FRMPD4: variants seen among roughly 807,000 people sequenced by gnomAD.
The protein encoded by FRMPD4 is FERM and PDZ domain containing 4.
A neutral mutation model predicts 94.1 loss-of-function variants in FRMPD4; 22 were observed. The observed-to-expected ratio is 0.23, with a 90% CI of 0.17 to 0.33. The LOEUF is 0.33. Ranked by LOEUF, FRMPD4 falls within the 10% of genes least tolerant of loss-of-function variation. The pLI is 1.00. For missense variants in FRMPD4, 1,111 were observed against 1,339.9 expected, an observed-to-expected ratio of 0.83 and a Z score of 2.67; for synonymous variants, 631 against 548.6, an observed-to-expected ratio of 1.15 and a Z score of -2.10.
intron 4 of FRMPD4, among the ~76,000 whole-genome samples, chrX:12,665,283 A>G (rs1355452232): frequency 9.0e-6 from 1 of 111,476 alleles, no homozygotes; most frequent in Non-Finnish European, 1.9e-5. Flanking sequence ...TCTACTAAAA[A>G]TACAAAAAAA....
Position 12,331,776 on chromosome X carries a change from T to A in FRMPD4, c.42-166904T>A, listed in dbSNP as rs868612734. Among the ~76,000 whole-genome samples, 58 of 55,219 alleles carry A rather than the reference T, an allele frequency of 1.1e-3. 9 individuals carry two copies. The highest frequency in any genetic ancestry group is 5.8e-3 in the African/African-American group (45 of 7,789). 48.0% of individuals were successfully genotyped at this position (55,219 alleles called of 115,157 possible). ...TATATACTATATATAAATTATATAT[T>A]ATATATTTATATACTGTATATAAAT... is the stretch of plus-strand genomic sequence containing the variant. On this transcript the variant is annotated intron_variant, in intron 1 of 16. Coordinates refer to ENST00000675598, the MANE Select transcript of FRMPD4 (RefSeq NM_001368397.1).
intron 1 of FRMPD4, among the ~76,000 whole-genome samples, chrX:12,330,844 A>C (rs138732611): frequency 0.013 from 1,474 of 111,811 alleles, 27 homozygotes; most frequent in African/African-American, 0.046. Flanking sequence ...CCCTCTGTGC[A>C]TCCACACTCG....
rs2042284595 is a variant in FRMPD4, at chrX:12,723,867, T to G, written c.*2009T>G. On this transcript the variant is annotated 3_prime_UTR_variant, in exon 17 of 17. Transcript: ENST00000675598. ...TTTATGTTGGGAAAGCTACTTTTTC[T>G]AGTCTCAATTTCCTCATAATAAAAT... The G allele has an allele frequency of 9.0e-6, 1 of 111,687 alleles. No homozygotes were observed. The highest frequency in any genetic ancestry group is 1.9e-5 in the Non-Finnish European group (1 of 53,195). 9.2% of individuals were successfully genotyped at this position (111,687 alleles called of 1,213,427 possible). A position where few individuals can be genotyped will look rare whatever the true frequency, so the allele number is the denominator to read the frequency against.
At chrX:12,576,326 A>C (rs2058811606) in intron 2 of FRMPD4, among the ~76,000 whole-genome samples, 1 of 113,084 alleles carries the variant, frequency 8.8e-6, no homozygotes, top group Admixed American at 9.3e-5. Context: ...GGTTTAATCC[A>C]GACTTGTAAT....
intron 4 of FRMPD4, among the ~76,000 whole-genome samples, chrX:12,661,631 G>A (rs778562019): frequency 1.5e-4 from 17 of 111,850 alleles, no homozygotes; most frequent in South Asian, 1.5e-3. Context: ...AAGCTTCAGC[G>A]GCAATGAGCA....
chrX:12,463,681 G>GTGTTTTTTT lies in FRMPD4; in HGVS notation c.42-34998_42-34997insGTTTTTTTT, dbSNP rs1555969426. 2.3e-3 allele frequency among the ~76,000 whole-genome samples: 118 copies of GTGTTTTTTT among 51,033 alleles called. 7 individuals are homozygous for GTGTTTTTTT. The highest frequency in any genetic ancestry group is 3.2e-3 in the Non-Finnish European group (94 of 29,308). The allele number at this position is 51,033 out of a possible 115,157, so 44.3% of individuals were successfully genotyped here. A position where few individuals can be genotyped will look rare whatever the true frequency, so the allele number is the denominator to read the frequency against. ...GGGTGCCTGTGCCTCCTATGTGTGT[G>GTGTTTTTTT]TTTTTTTTTTGTTTTTGTTTTTTTT... On this transcript the variant is annotated intron_variant, in intron 1 of 16. Coordinates refer to ENST00000675598, the MANE Select transcript of FRMPD4 (RefSeq NM_001368397.1).
In FRMPD4 at chrX:12,414,094, T is replaced by G. The variant is rs1363994656; in HGVS notation, c.42-84586T>G. ...TATATCTTGGCTAAATGAAAGGAATTTAAATGTTATTGCTACAAAGCATTC... is the reference window on the plus strand; with the variant it reads ...TATATCTTGGCTAAATGAAAGGAATGTAAATGTTATTGCTACAAAGCATTC... On this transcript the variant is annotated intron_variant, in intron 1 of 16. Coordinates refer to ENST00000675598, the MANE Select transcript of FRMPD4 (RefSeq NM_001368397.1). Among the ~76,000 whole-genome samples the G allele has an allele frequency of 2.7e-5, 3 of 112,783 alleles. No individual in the cohort carries two copies. The East Asian group carries it at 8.3e-4, about 31-fold the overall frequency.
chrX:12,282,737 T>C (rs966649529), intron 1 of FRMPD4, among the ~76,000 whole-genome samples: 1 of 112,018 alleles, frequency 8.9e-6, no homozygotes, highest in Non-Finnish European at 1.9e-5. Flanking sequence ...ACGGGTGCGC[T>C]CATGTTGGAG....
At chrX:11,922,202 A>C (rs929613574) in intron 3 of FRMPD4, among the ~76,000 whole-genome samples, 2 of 111,934 alleles carry the variant, frequency 1.8e-5, no homozygotes, top group African/African-American at 6.5e-5. Flanking sequence ...TACAGGAAGC[A>C]TGGTGCTGGC....
At chrX:12,418,263 A>C (rs1326352680) in intron 1 of FRMPD4, among the ~76,000 whole-genome samples, 7 of 109,416 alleles carry the variant, frequency 6.4e-5, no homozygotes, top group African/African-American at 2.3e-4. Context: ...TGGCTAGTGC[A>C]TGAAAGAGCA....
At chrX:12,104,633 C>T (rs2055281591) in intron 3 of FRMPD4, among the ~76,000 whole-genome samples, 1 of 112,357 alleles carries the variant, frequency 8.9e-6, no homozygotes, top group Non-Finnish European at 1.9e-5. Flanking sequence ...TGGGGGCACA[C>T]ACATACCCTT....
At chrX:12,156,094 T>A (rs945267105) in intron 1 of FRMPD4, among the ~76,000 whole-genome samples, 1 of 111,751 alleles carries the variant, frequency 8.9e-6, no homozygotes, top group Non-Finnish European at 1.9e-5. Flanking sequence ...TGGGGTGTTT[T>A]AATTGTTTAT....
chrX:12,654,165 C>T (rs1462947932), intron 4 of FRMPD4, among the ~76,000 whole-genome samples: 2 of 112,348 alleles, frequency 1.8e-5, no homozygotes, highest in Non-Finnish European at 3.8e-5. Context: ...AAATCACATA[C>T]CTAATTGATG....
At chrX:11,909,434 CT>C (rs751412033) in intron 3 of FRMPD4, among the ~76,000 whole-genome samples, 1 of 110,792 alleles carries the variant, frequency 9.0e-6, no homozygotes. Flanking sequence ...ATGTATATTT[CT>C]TTTTTTTCTT....
At chrX:12,238,387 G>A (rs777992237) in intron 1 of FRMPD4, among the ~76,000 whole-genome samples, 3 of 111,308 alleles carry the variant, frequency 2.7e-5, no homozygotes, top group South Asian at 3.8e-4. Flanking sequence ...TCTCCGCCCC[G>A]ACCAGCCTCC....
chrX:12,240,926 G>A (rs2057122419), intron 1 of FRMPD4, among the ~76,000 whole-genome samples: 1 of 112,218 alleles, frequency 8.9e-6, no homozygotes, highest in Non-Finnish European at 1.9e-5. Context: ...TAAATTTCAT[G>A]TGAGTGTAGT....
intron 3 of FRMPD4, among the ~76,000 whole-genome samples, chrX:11,906,802 C>CT (rs1164481675): frequency 9.0e-6 from 1 of 110,577 alleles, no homozygotes; most frequent in Non-Finnish European, 1.9e-5. Flanking sequence ...TTGAAATATT[C>CT]TTTTTTCTCC....
chrX:12,664,336 G>GT (rs1043608657), intron 4 of FRMPD4, among the ~76,000 whole-genome samples: 10 of 111,938 alleles, frequency 8.9e-5, no homozygotes, highest in African/African-American at 3.2e-4. Context: ...ACTGGCTGTG[G>GT]TTTTTTCATA....
At chrX:12,456,096 T>C (rs1041209115) in intron 1 of FRMPD4, among the ~76,000 whole-genome samples, 2 of 111,988 alleles carry the variant, frequency 1.8e-5, no homozygotes, top group Non-Finnish European at 3.8e-5. Flanking sequence ...ACCCAGCTGG[T>C]TTCCTCATTT....
Sources: allele counts gnomAD v4.1 joint callset (sites outside exome capture counted in the v4.1 genomes callset), GRCh38; gene constraint gnomAD v4.1.1; transcripts MANE v1.5; gene names NCBI Gene and HGNC (gene_info 2026-07-23, HGNC 2026-07-21).